Variants in FAM83B observed in about 807,000 individuals in gnomAD.
The protein encoded by FAM83B is protein FAM83B.
FAM83B carries 26 observed loss-of-function variants against 38.8 expected under a neutral mutation model. The ratio of observed to expected loss-of-function variants is 0.67; its 90% confidence interval spans 0.49 to 0.93. The LOEUF (loss-of-function observed/expected upper bound fraction) is 0.93. Among genes scored for constraint, FAM83B ranks in the 40% least tolerant of loss-of-function variants. The pLI, the probability that FAM83B is intolerant of heterozygous loss-of-function variation, is 0.00. For missense variants in FAM83B, 1,237 were observed against 1,197.3 expected (o/e 1.03, Z -0.49); for synonymous variants, 419 against 423.1 (o/e 0.99, Z 0.12).
chr6:54,899,586 G>C (rs1772611890), intron 2 of FAM83B, among the ~76,000 whole-genome samples: 1 of 152,128 alleles, frequency 6.6e-6, no homozygotes, highest in Non-Finnish European at 1.5e-5. Context: ...CTGGCAGTTT[G>C]GATGTCTGGT....
chr6:54,853,158 G>A (rs1771351158), intron 1 of FAM83B, among the ~76,000 whole-genome samples: 1 of 152,144 alleles, frequency 6.6e-6, no homozygotes, highest in Non-Finnish European at 1.5e-5. Context: ...GAGGAGAAAG[G>A]TATGAAACTA....
chr6:54,874,360 C>A (rs1216383084), intron 2 of FAM83B, among the ~76,000 whole-genome samples: 1 of 152,072 alleles, frequency 6.6e-6, no homozygotes, highest in African/African-American at 2.4e-5. Context: ...TACTTGTGCC[C>A]TAAAGGGACA....
chr6:54,855,803 T>C (rs1211628614), intron 1 of FAM83B, among the ~76,000 whole-genome samples: 1 of 152,186 alleles, frequency 6.6e-6, no homozygotes, highest in African/African-American at 2.4e-5. Flanking sequence ...TGTGTGTGGA[T>C]GTATCACACA....
chr6:54,875,547 A>G (rs757852623), intron 2 of FAM83B, among the ~76,000 whole-genome samples: 1 of 152,166 alleles, frequency 6.6e-6, no homozygotes, highest in Non-Finnish European at 1.5e-5. Context: ...ATTAAGTTGA[A>G]CATTTCTTCT....
intron 2 of FAM83B, among the ~76,000 whole-genome samples, chr6:54,889,491 A>G (rs1772353919): frequency 6.6e-6 from 1 of 152,038 alleles, no homozygotes; most frequent in Non-Finnish European, 1.5e-5. Flanking sequence ...TCCTGTACCA[A>G]TGCGGGATAC....
At chr6:54,925,832 G>A (rs1398139554) in intron 2 of FAM83B, among the ~76,000 whole-genome samples, 2 of 152,208 alleles carry the variant, frequency 1.3e-5, no homozygotes, top group African/African-American at 2.4e-5. Context: ...CATTCCCCCA[G>A]TAAACTGAGG....
At chr6:54,885,957 T>A (rs1304235893) in intron 2 of FAM83B, among the ~76,000 whole-genome samples, 1 of 92,804 alleles carries the variant, frequency 1.1e-5, no homozygotes, top group East Asian at 5.8e-4. Flanking sequence ...CCCTAAAACT[T>A]AAAGTATAAT....
At chr6:54,932,529 T>G (rs1427294166) in intron 4 of FAM83B, among the ~76,000 whole-genome samples, 3 of 152,180 alleles carry the variant, frequency 2.0e-5, no homozygotes, top group Non-Finnish European at 4.4e-5. Flanking sequence ...ATAGTACAGG[T>G]CACTTCATTT....
rs1161400695 is a variant in FAM83B, at chr6:54,940,314, T to C, written c.1343T>C (p.Leu448Pro). 1 of 1,614,052 alleles carries C rather than the reference T, an allele frequency of 6.2e-7. No individual in the cohort carries two copies. Among genetic ancestry groups the C allele is most frequent in the Non-Finnish European group, 8.5e-7 (1 of 1,179,996 alleles). The change falls in exon 5 of 5, where the codon CTT (leucine) becomes CCT (proline). Residue 448 changes from leucine to proline, a missense_variant. Transcript: ENST00000306858. The stretch of plus-strand genomic sequence containing the variant: ...CCTGCCCAGAGTTTTGCCAATCGGC[T>C]TGCGCAGAGAAAAACAACAAATCTT... ...NTPAQSFANRLAQRKTTNLAD... is the reference protein window; with the variant it reads ...NTPAQSFANRPAQRKTTNLAD...
Position 54,940,879 on chromosome 6 carries a change from C to CTTA in FAM83B, c.1909_1910insTAT (p.Asn636_Tyr637insLeu). The CTTA allele has an allele frequency of 6.2e-7, 1 of 1,613,782 alleles. No individual in the cohort carries two copies. Among genetic ancestry groups the CTTA allele is most frequent in the Non-Finnish European group, 8.5e-7 (1 of 1,179,870 alleles). On this transcript the variant is annotated inframe_insertion, in exon 5 of 5. Transcript: ENST00000306858. ...CAAATGGCCATACTGAATCAAATAACTATATATATAAAACCTTGGGTGTAA... is the reference window on the plus strand; with the variant it reads ...CAAATGGCCATACTGAATCAAATAACTTATATATATATAAAACCTTGGGTGTAA...
intron 2 of FAM83B, among the ~76,000 whole-genome samples, chr6:54,900,688 T>C (rs961851156): frequency 1.3e-5 from 2 of 152,196 alleles, no homozygotes; most frequent in African/African-American, 4.8e-5. Context: ...GTAACACATA[T>C]GCACAGGAAA....
chr6:54,862,881 A>C (rs1771619236), intron 1 of FAM83B, among the ~76,000 whole-genome samples: 1 of 151,772 alleles, frequency 6.6e-6, no homozygotes, highest in Non-Finnish European at 1.5e-5. Flanking sequence ...CCCCCCCCAA[A>C]AAAACCACGA....
At chr6:54,932,086 T>C (rs1738459) in intron 4 of FAM83B, among the ~76,000 whole-genome samples, 42,706 of 147,580 alleles carry the variant, frequency 0.29, 9,293 homozygotes, top group African/African-American at 0.62. Context: ...TCTCAGCTCA[T>C]TGCAACCTCC....
Position 54,870,373 on chromosome 6 carries a change from T to C in FAM83B, c.127T>C (p.Tyr43His), listed in dbSNP as rs1771817701. 13 of 1,613,928 alleles carry C rather than the reference T, an allele frequency of 8.1e-6. No homozygotes were observed. The highest frequency in any genetic ancestry group is 1.0e-5 in the Non-Finnish European group (12 of 1,179,950). ...TCTGATTGAACACGGGTTAGAAGCA[T>C]ACCAAGAATTTCTTGTCCAGGAACG... ...DILIEHGLEA[Y>H]QEFLVQERVS... The change falls in exon 2 of 5, where the codon TAC becomes CAC. Residue 43 changes from tyrosine to histidine, a missense_variant. By Grantham distance (83) the Tyr-to-His change is moderately conservative (BLOSUM62 2). Coordinates refer to ENST00000306858, the MANE Select transcript of FAM83B (RefSeq NM_001010872.3).
chr6:54,866,201 G>GTT (rs113878349), intron 1 of FAM83B, among the ~76,000 whole-genome samples: 1 of 144,452 alleles, frequency 6.9e-6, no homozygotes, highest in Non-Finnish European at 1.5e-5. Context: ...TGTGCTATAG[G>GTT]TTTTTTTTTT....
At chr6:54,906,531 C>T (rs1024436565) in intron 2 of FAM83B, among the ~76,000 whole-genome samples, 6 of 152,080 alleles carry the variant, frequency 3.9e-5, no homozygotes, top group East Asian at 1.9e-4. Flanking sequence ...ATCACAGGCG[C>T]GTGCCCCTAT....
intron 2 of FAM83B, among the ~76,000 whole-genome samples, chr6:54,909,137 A>G (rs1209983018): frequency 7.3e-6 from 1 of 136,914 alleles, no homozygotes; most frequent in Non-Finnish European, 1.6e-5. Flanking sequence ...CAAATTTACT[A>G]AGATTCATGT....
chr6:54,900,503 A>T, intron 2 of FAM83B, among the ~76,000 whole-genome samples: 1 of 152,232 alleles, frequency 6.6e-6, no homozygotes, highest in Admixed American at 6.5e-5. Context: ...GTTCAAAAAT[A>T]TAAAAAATAA....
chr6:54,909,797 C>T (rs140785884), intron 2 of FAM83B, among the ~76,000 whole-genome samples: 2 of 152,130 alleles, frequency 1.3e-5, no homozygotes, highest in African/African-American at 4.8e-5. Context: ...AATTTAGGCT[C>T]GGAGAATTGG....
Sources: gnomAD v4.1 joint callset for allele counts (sites outside exome capture counted in the v4.1 genomes callset) on GRCh38, gnomAD v4.1.1 for gene constraint, MANE v1.5 for transcripts, NCBI Gene and HGNC (gene_info 2026-07-23, HGNC 2026-07-21) for gene names.